SCEL: variants seen among roughly 807,000 people sequenced by gnomAD.
SCEL encodes sciellin.
Under a neutral mutation model 117.6 loss-of-function variants are expected in SCEL, and 113 were observed. The observed-to-expected ratio is 0.96, with a 90% CI of 0.83 to 1.12. SCEL has a LOEUF of 1.12. SCEL is among the 50% of genes most tolerant of loss of function. SCEL has a pLI of 0.00. For missense variants in SCEL, 785 were observed against 810.8 expected, an observed-to-expected ratio of 0.97 and a Z score of 0.39; for synonymous variants, 270 against 256.2, an observed-to-expected ratio of 1.05 and a Z score of -0.51.
chr13:77,631,667 A>G (rs933778306), intron 28 of SCEL, among the ~76,000 whole-genome samples: 1 of 152,038 alleles, frequency 6.6e-6, no homozygotes, highest in Non-Finnish European at 1.5e-5. Context: ...TATCATCCTC[A>G]AAGTCTACAT....
chr13:77,570,299 T>C (rs1263262555), intron 8 of SCEL, among the ~76,000 whole-genome samples: 2 of 152,232 alleles, frequency 1.3e-5, no homozygotes, highest in East Asian at 1.9e-4. Flanking sequence ...GATTCATCTT[T>C]CCATTGAACC....
intron 5 of SCEL, among the ~76,000 whole-genome samples, chr13:77,566,171 T>C (rs939366357): frequency 6.6e-6 from 1 of 152,194 alleles, no homozygotes; most frequent in African/African-American, 2.4e-5. Flanking sequence ...GTTAACCTAA[T>C]ATATGAGTTT....
At chr13:77,634,915 G>T (rs1433798603) in intron 29 of SCEL, among the ~76,000 whole-genome samples, 1 of 152,170 alleles carries the variant, frequency 6.6e-6, no homozygotes, top group African/African-American at 2.4e-5. Context: ...GAAATCTGCT[G>T]CTTGGAGTGA....
At chr13:77,581,380 T>G (rs1466506735) in intron 9 of SCEL, among the ~76,000 whole-genome samples, 3 of 152,222 alleles carry the variant, frequency 2.0e-5, no homozygotes, top group African/African-American at 7.2e-5. Flanking sequence ...AATGAATTAT[T>G]TTTTCTTCAG....
intron 29 of SCEL, among the ~76,000 whole-genome samples, chr13:77,636,893 G>A (rs17068137): frequency 0.026 from 3,901 of 152,108 alleles, 164 homozygotes; most frequent in East Asian, 0.13. Context: ...ACTTGTTCCT[G>A]TATTCCTTAC....
chr13:77,637,239 GACAC>G, intron 30 of SCEL, 45 bp downstream of exon 30: 1 of 702,612 alleles, frequency 1.4e-6, no homozygotes, highest in Non-Finnish European at 2.2e-6. Flanking sequence ...CACACATACA[GACAC>G]ACACACACAT....
At chr13:77,608,817 G>T (rs939815266) in intron 20 of SCEL, among the ~76,000 whole-genome samples, 1 of 151,972 alleles carries the variant, frequency 6.6e-6, no homozygotes, top group Non-Finnish European at 1.5e-5. Flanking sequence ...TTTTTTAATG[G>T]CGTCTTGCTC....
intron 9 of SCEL, among the ~76,000 whole-genome samples, chr13:77,585,526 G>A (rs148367720): frequency 3.9e-5 from 6 of 152,102 alleles, no homozygotes; most frequent in South Asian, 4.2e-4. Context: ...AAGCATGTGC[G>A]CGCTCTTCTG....
At chr13:77,542,172 G>A (rs2083738372) in intron 1 of SCEL, among the ~76,000 whole-genome samples, 1 of 152,162 alleles carries the variant, frequency 6.6e-6, no homozygotes, top group African/African-American at 2.4e-5. Context: ...TCAGGCCGAG[G>A]CAGGCGGATC....
In SCEL at chr13:77,644,578, A is replaced by G. The variant is rs1373320220; in HGVS notation, c.*304A>G. 1 of 235,188 alleles carries G rather than the reference A, an allele frequency of 4.3e-6. No individual in the cohort carries two copies. The highest frequency in any genetic ancestry group is 8.2e-6 in the Non-Finnish European group (1 of 122,400). 14.6% of individuals were successfully genotyped at this position (235,188 alleles called of 1,614,324 possible). ...ATCCCTGCTCCGTATGTTGGCTGTGAGTGGTGGTTTCCATTTAAACCAAGT... is the reference window on the plus strand; with the variant it reads ...ATCCCTGCTCCGTATGTTGGCTGTGGGTGGTGGTTTCCATTTAAACCAAGT... On this transcript the variant is annotated 3_prime_UTR_variant, in exon 33 of 33. Coordinates refer to ENST00000349847, the MANE Select transcript of SCEL (RefSeq NM_144777.3).
Position 77,569,426 on chromosome 13 carries a change from GCTA to G in SCEL, c.460_462del (p.Thr154del). On this transcript the variant is annotated inframe_deletion, in exon 8 of 33. Transcript: ENST00000349847. ...CTCCAACACCATAGCATCCACTTCT[GCTA>G]CTACTCCTGTAAAGAAGAAGAGGTA... The G allele has an allele frequency of 6.2e-7, 1 of 1,613,682 alleles. No individual in the cohort carries two copies. The highest frequency in any genetic ancestry group is 8.5e-7 in the Non-Finnish European group (1 of 1,179,648).
At chr13:77,614,982 A>G (rs1210475069) in intron 24 of SCEL, among the ~76,000 whole-genome samples, 1 of 152,156 alleles carries the variant, frequency 6.6e-6, no homozygotes, top group African/African-American at 2.4e-5. Flanking sequence ...ATTAAAGCTA[A>G]TTATGTACCA....
chr13:77,617,983 T>TCC lies in SCEL; in HGVS notation c.1572-21_1572-20insCC, dbSNP rs1555516308. 6 of 1,611,380 alleles carry TCC rather than the reference T, an allele frequency of 3.7e-6. No individual in the cohort carries two copies. In the South Asian group the frequency reaches 5.5e-5, roughly 15 times the overall value. On this transcript the variant is annotated intron_variant, in intron 26 of 32. Transcript: ENST00000349847. ...AAATCTATTACCAATCTGAACTTTTTTCTCTCTCTCTTTTAAACAGCCAAG... is the reference window on the plus strand; with the variant it reads ...AAATCTATTACCAATCTGAACTTTTTCCTCTCTCTCTCTTTTAAACAGCCAAG...
intron 18 of SCEL, 42 bp downstream of exon 18, chr13:77,603,177 G>A: frequency 8.1e-7 from 1 of 1,230,106 alleles, no homozygotes; most frequent in Admixed American, 2.3e-5. Context: ...TCTGTTAAGT[G>A]TCAATCAGAA....
At chr13:77,629,754 T>A (rs893704637) in intron 28 of SCEL, among the ~76,000 whole-genome samples, 3 of 152,278 alleles carry the variant, frequency 2.0e-5, no homozygotes, top group African/African-American at 7.2e-5. Context: ...CATTTAATAC[T>A]TAGGTTCAAT....
intron 4 of SCEL, among the ~76,000 whole-genome samples, chr13:77,560,813 C>T (rs1455792115): frequency 6.6e-6 from 1 of 152,162 alleles, no homozygotes; most frequent in African/African-American, 2.4e-5. Context: ...TAGCTTGTGT[C>T]TGTTTGTCAT....
intron 12 of SCEL, among the ~76,000 whole-genome samples, chr13:77,594,905 G>A (rs549048958): frequency 9.5e-4 from 144 of 152,280 alleles, no homozygotes; most frequent in Non-Finnish European, 1.1e-3. Flanking sequence ...AACAAAATAG[G>A]AGCTCTGAAT....
At chr13:77,602,570 CAT>C in intron 16 of SCEL, 82 bp from the exon 17 acceptor site, 1 of 1,157,572 alleles carries the variant, frequency 8.6e-7, no homozygotes, top group South Asian at 1.3e-5. Context: ...CCTGACACCA[CAT>C]TCAGGGACAT....
At chr13:77,568,361 T>C (rs1229634132) in intron 7 of SCEL, 28 bp downstream of exon 7, 3 of 1,404,068 alleles carry the variant, frequency 2.1e-6, no homozygotes, top group Non-Finnish European at 3.0e-6. Context: ...TTGTAGTATA[T>C]TTCTTTTTAT....
Sources: allele counts gnomAD v4.1 joint callset (sites outside exome capture counted in the v4.1 genomes callset), GRCh38; gene constraint gnomAD v4.1.1; transcripts MANE v1.5; gene names NCBI Gene and HGNC (gene_info 2026-07-23, HGNC 2026-07-21).